Variants in MCTP1 observed in about 807,000 individuals in gnomAD.
MCTP1 encodes multiple C2 and transmembrane domain containing 1, also known as multiple C2 and transmembrane domain-containing protein 1.
MCTP1 carries 69 observed loss-of-function variants against 120.6 expected under a neutral mutation model. The observed-to-expected ratio is 0.57, with a 90% confidence interval of 0.47 to 0.70. MCTP1 has a LOEUF of 0.70. MCTP1 is among the 30% of genes least tolerant of loss of function. The probability of loss-of-function intolerance (pLI) is 0.00; values close to 1 mark genes in which losing one functional copy is unlikely to be tolerated. For synonymous variants in MCTP1, 529 were observed against 493.1 expected (o/e 1.07, Z -0.96); for missense variants, 1,203 against 1,248.8 (o/e 0.96, Z 0.55).
chr5:94,912,997 AGTTAG>A (rs1378823891), intron 8 of MCTP1, 21 bp from the exon 9 acceptor site: 1 of 1,581,312 alleles, frequency 6.3e-7, no homozygotes, highest in Non-Finnish European at 8.6e-7. Flanking sequence ...ATGAAAATTG[AGTTAG>A]GTTACTGTGT....
chr5:95,100,506 G>T (rs184927807), intron 1 of MCTP1, among the ~76,000 whole-genome samples: 1 of 152,052 alleles, frequency 6.6e-6, no homozygotes, highest in African/African-American at 2.4e-5. Context: ...TAACTGTTAA[G>T]GAAATGAAAA....
At chr5:94,761,744 C>G (rs1429277033) in intron 19 of MCTP1, among the ~76,000 whole-genome samples, 1 of 152,200 alleles carries the variant, frequency 6.6e-6, no homozygotes, top group Non-Finnish European at 1.5e-5. Context: ...CCTTTATAAT[C>G]CCCAGCAAGA....
At chr5:95,214,630 A>T (rs186101151) in intron 1 of MCTP1, among the ~76,000 whole-genome samples, 1 of 152,110 alleles carries the variant, frequency 6.6e-6, no homozygotes, top group Non-Finnish European at 1.5e-5. Context: ...GTCCAACAAC[A>T]ATAGACTGGA....
At chr5:94,878,211 A>G (rs895637311) in intron 12 of MCTP1, among the ~76,000 whole-genome samples, 2 of 152,162 alleles carry the variant, frequency 1.3e-5, no homozygotes, top group African/African-American at 2.4e-5. Context: ...AGGGAATTCC[A>G]TCGTGTCCAC....
chr5:94,808,216 C>T (rs1168555656), intron 17 of MCTP1, among the ~76,000 whole-genome samples: 1 of 152,160 alleles, frequency 6.6e-6, no homozygotes, highest in Admixed American at 6.5e-5. Context: ...GTTCAAAGGT[C>T]TTTATTTCTG....
intron 1 of MCTP1, among the ~76,000 whole-genome samples, chr5:95,105,328 C>T (rs1757007274): frequency 1.3e-5 from 2 of 152,170 alleles, no homozygotes; most frequent in Non-Finnish European, 2.9e-5. Context: ...TTGGCCTGAC[C>T]TCATGAACCT....
At chr5:94,712,250 A>G (rs924230300) in intron 20 of MCTP1, among the ~76,000 whole-genome samples, 1 of 152,140 alleles carries the variant, frequency 6.6e-6, no homozygotes, top group Non-Finnish European at 1.5e-5. Flanking sequence ...GTGAATCAAG[A>G]TGAAATTATT....
Position 95,061,408 on chromosome 5 carries a change from G to GTTGTTTTTT in MCTP1, c.721-43925_721-43924insAAAAAACAA, listed in dbSNP as rs1749067994. Among the ~76,000 whole-genome samples, 20 of 33,486 alleles carry GTTGTTTTTT rather than the reference G, an allele frequency of 6.0e-4. 4 individuals carry two copies. Among genetic ancestry groups the GTTGTTTTTT allele is most frequent in the Non-Finnish European group, 7.5e-4 (12 of 16,076 alleles). 22.0% of individuals were successfully genotyped at this position (33,486 alleles called of 152,430 possible). On this transcript the variant is annotated intron_variant, in intron 1 of 22. Coordinates refer to ENST00000515393, the MANE Select transcript of MCTP1 (RefSeq NM_024717.7). ...ATCAATTTTCACAAACCCCTTAAGGGTTTTTTTTTTTTTTTTTTTTTTTTT... is the reference window on the plus strand; with the variant it reads ...ATCAATTTTCACAAACCCCTTAAGGGTTGTTTTTTTTTTTTTTTTTTTTTTTTTTTTTTT...
chr5:94,871,007 G>T (rs372698002), intron 14 of MCTP1, 34 bp from the exon 15 acceptor site: 1 of 1,553,618 alleles, frequency 6.4e-7, no homozygotes, highest in East Asian at 2.2e-5. Context: ...CGTCTGTCTC[G>T]CGGTCTCTAC....
intron 2 of MCTP1, among the ~76,000 whole-genome samples, chr5:94,982,516 T>A (rs1829625286): frequency 6.6e-6 from 1 of 152,104 alleles, no homozygotes; most frequent in African/African-American, 2.4e-5. Flanking sequence ...TATGATGAAA[T>A]TTCATTCATG....
intron 1 of MCTP1, among the ~76,000 whole-genome samples, chr5:95,227,408 G>C (rs1044050492): frequency 4.6e-5 from 7 of 152,150 alleles, no homozygotes; most frequent in African/African-American, 1.4e-4. Context: ...AGCCCTAATA[G>C]AATCAATCAT....
intron 1 of MCTP1, among the ~76,000 whole-genome samples, chr5:95,101,091 A>T (rs1232175658): frequency 7.3e-6 from 1 of 136,840 alleles, no homozygotes; most frequent in African/African-American, 3.4e-5. Context: ...GAAAGAAAGT[A>T]AAAAAAAAAC....
chr5:95,006,239 G>A (rs1834717200), intron 2 of MCTP1, among the ~76,000 whole-genome samples: 1 of 151,544 alleles, frequency 6.6e-6, no homozygotes, highest in South Asian at 2.1e-4. Flanking sequence ...TTTTATATAT[G>A]TATATACACA....
chr5:94,828,759 G>C (rs1187119676), intron 17 of MCTP1, among the ~76,000 whole-genome samples: 1 of 152,122 alleles, frequency 6.6e-6, no homozygotes, highest in African/African-American at 2.4e-5. Flanking sequence ...CACTGTGAGG[G>C]GTACTCAAGC....
At chr5:95,099,530 C>T (rs1204918751) in intron 1 of MCTP1, among the ~76,000 whole-genome samples, 6 of 151,366 alleles carry the variant, frequency 4.0e-5, no homozygotes, top group Non-Finnish European at 7.4e-5. Flanking sequence ...AAATGCTCGC[C>T]ATCACTGGCC....
intron 17 of MCTP1, among the ~76,000 whole-genome samples, chr5:94,808,991 T>C (rs1782912970): frequency 6.6e-6 from 1 of 152,112 alleles, no homozygotes; most frequent in African/African-American, 2.4e-5. Context: ...AGTACATCAA[T>C]GCTTTTTTGA....
intron 2 of MCTP1, among the ~76,000 whole-genome samples, chr5:94,983,668 AATCTATCTATCT>A (rs57481277): frequency 1.2e-4 from 18 of 150,676 alleles, no homozygotes; most frequent in African/African-American, 3.4e-4. Flanking sequence ...TCTGTCTGTC[AATCTATCTATCT>A]ATCTATCTAT....
intron 1 of MCTP1, among the ~76,000 whole-genome samples, chr5:95,206,701 C>A (rs997179601): frequency 6.6e-6 from 1 of 151,962 alleles, no homozygotes; most frequent in African/African-American, 2.4e-5. Context: ...CCACACCCAG[C>A]CAATTTTTGT....
Position 94,860,656 on chromosome 5 carries a change from T to C in MCTP1, c.2436+7677A>G, listed in dbSNP as rs1795608068. ...ACCACCAAGAGTATAAAAGTAAATGTAGTTGAACTTGTATTAACCCTCATT... is the reference window on the plus strand; with the variant it reads ...ACCACCAAGAGTATAAAAGTAAATGCAGTTGAACTTGTATTAACCCTCATT... On this transcript the variant is annotated intron_variant, in intron 17 of 22. Coordinates refer to ENST00000515393, the MANE Select transcript of MCTP1 (RefSeq NM_024717.7). Among the ~76,000 whole-genome samples the C allele has an allele frequency of 2.0e-5, 3 of 151,200 alleles. No homozygotes were observed. The South Asian group carries it at 6.3e-4, about 32-fold the overall frequency.
Sources: allele counts gnomAD v4.1 joint callset (sites outside exome capture counted in the v4.1 genomes callset), GRCh38; gene constraint gnomAD v4.1.1; transcripts MANE v1.5; gene names NCBI Gene and HGNC (gene_info 2026-07-23, HGNC 2026-07-21).